Variants in METTL1 observed in about 807,000 individuals in gnomAD.
METTL1 encodes the protein tRNA (guanine-N(7)-)-methyltransferase.
METTL1 carries 14 observed loss-of-function variants against 27.7 expected under a neutral mutation model. That is an observed-to-expected ratio of 0.51 (90% CI 0.33 to 0.79). METTL1 has a LOEUF of 0.79. METTL1 is among the 30% of genes least tolerant of loss of function. The pLI is 0.02. For missense variants in METTL1, 333 were observed against 359.6 expected, an observed-to-expected ratio of 0.93 and a Z score of 0.60; for synonymous variants, 138 against 137.0, an observed-to-expected ratio of 1.01 and a Z score of -0.05.
Position 57,769,292 on chromosome 12 carries a change from C to T in METTL1, c.675+11G>A. The T allele has an allele frequency of 6.2e-7, 1 of 1,613,646 alleles. No individual in the cohort carries two copies. Among genetic ancestry groups the T allele is most frequent in the Non-Finnish European group, 8.5e-7 (1 of 1,179,702 alleles). On this transcript the variant is annotated intron_variant, in intron 5 of 5. Transcript: ENST00000324871. ...GAAAGGGCCTCCACCTCCTCTAGGTCCCCTACTCACCAGGTCCTCCAGAGG... is the reference window on the plus strand; with the variant it reads ...GAAAGGGCCTCCACCTCCTCTAGGTTCCCTACTCACCAGGTCCTCCAGAGG...
Position 57,769,318 on chromosome 12 carries a change from C to A in METTL1, c.660G>T (p.Val220=). The change falls in exon 5 of 6, where the codon GTG becomes GTT. Residue 220 remains valine (V), a synonymous_variant. Coordinates refer to ENST00000324871, the MANE Select transcript of METTL1 (RefSeq NM_005371.6). ...HFEEHPLFER[V]PLEDLSEDPV... ...CCCTACTCACCAGGTCCTCCAGAGG[C>A]ACACGCTCAAACAGTGGGTGCTCTT... 6.2e-7 allele frequency: 1 copy of A among 1,614,124 alleles called. No homozygotes were observed. Among genetic ancestry groups the A allele is most frequent in the Non-Finnish European group, 8.5e-7 (1 of 1,179,994 alleles).
At chr12:57,769,490 GCACCCC>G in intron 4 of METTL1, 69 bp downstream of exon 4, 1 of 1,576,008 alleles carries the variant, frequency 6.3e-7, no homozygotes, top group Non-Finnish European at 8.7e-7. Context: ...GTCCCTAAAT[GCACCCC>G]CACTGAATTC....
intron 1 of METTL1, 108 bp from the exon 2 acceptor site, chr12:57,771,365 G>C (rs1177265552): frequency 2.7e-6 from 4 of 1,485,374 alleles, no homozygotes; most frequent in African/African-American, 1.4e-5. Context: ...AAGGGAGGAG[G>C]GTTTCTCAAA....
At chr12:57,771,897 A>G in intron 1 of METTL1, 77 bp downstream of exon 1, 5 of 1,438,446 alleles carry the variant, frequency 3.5e-6, no homozygotes, top group Non-Finnish European at 4.6e-6. Flanking sequence ...AAATCCTCCC[A>G]GCAGTTGCAG....
At position 57,768,890 on chromosome 12, in the gene METTL1, A is replaced by G; in HGVS notation, c.*106T>C. The G allele has an allele frequency of 7.1e-7, 1 of 1,417,010 alleles. No individual in the cohort carries two copies. Among genetic ancestry groups the G allele is most frequent in the Non-Finnish European group, 9.6e-7 (1 of 1,041,054 alleles). The allele number at this position is 1,417,010 out of a possible 1,614,324, so 87.8% of individuals were successfully genotyped here. On this transcript the variant is annotated 3_prime_UTR_variant, in exon 6 of 6. Coordinates refer to ENST00000324871, the MANE Select transcript of METTL1 (RefSeq NM_005371.6). The stretch of plus-strand genomic sequence containing the variant: ...TGGGCAGCTCCCCACCTTCTTTAAG[A>G]GAGTACTGTGTCTCAGCTCCAGCAG...
intron 1 of METTL1, 55 bp from the exon 2 acceptor site, chr12:57,771,312 G>A: frequency 1.3e-6 from 2 of 1,529,024 alleles, no homozygotes; most frequent in Non-Finnish European, 1.8e-6. Flanking sequence ...CATTGCAGAA[G>A]TGGTACTGTG....
rs897042282 is a variant in METTL1, at chr12:57,771,904, G to A, written c.110+70C>T. 4 of 1,449,556 alleles carry A rather than the reference G, an allele frequency of 2.8e-6. No homozygotes were observed. In the African/African-American group the frequency reaches 5.8e-5, roughly 21 times the overall value. 89.8% of individuals were successfully genotyped at this position (1,449,556 alleles called of 1,614,324 possible). On this transcript the variant is annotated intron_variant, in intron 1 of 5. Transcript: ENST00000324871. ...TCTACCCCAAATCCTCCCAGCAGTT[G>A]CAGCACAACTGCTCTCCCGGCTGCT...
At position 57,768,905 on chromosome 12, in the gene METTL1, A is replaced by T; in HGVS notation, c.*91T>A. The stretch of plus-strand genomic sequence containing the variant: ...CTTCTTTAAGAGAGTACTGTGTCTC[A>T]GCTCCAGCAGTCTCAACTGGGAAGA... On this transcript the variant is annotated 3_prime_UTR_variant, in exon 6 of 6. Coordinates refer to ENST00000324871, the MANE Select transcript of METTL1 (RefSeq NM_005371.6). The T allele has an allele frequency of 6.7e-7, 1 of 1,485,898 alleles. No individual in the cohort carries two copies. Among genetic ancestry groups the T allele is most frequent in the Non-Finnish European group, 9.2e-7 (1 of 1,092,560 alleles). 92.0% of individuals were successfully genotyped at this position (1,485,898 alleles called of 1,614,324 possible).
rs1955439509 is a variant in METTL1, at chr12:57,771,995, A to G, written c.89T>C (p.Met30Thr). 1.3e-6 allele frequency: 2 copies of G among 1,536,202 alleles called. No individual in the cohort carries two copies. Among genetic ancestry groups the G allele is most frequent in the Non-Finnish European group, 1.7e-6 (2 of 1,149,564 alleles). Residue 30 changes from methionine (M) to threonine (T), a missense_variant, in exon 1 of 6, where the codon ATG (methionine) becomes ACG (threonine). Transcript: ENST00000324871. ...YYRQRAHSNP[M>T]ADHTLRYPVK... ...TCACTAGCGCAGCGTGTGGTCCGCC[A>G]TGGGGTTGGAGTGAGCACGTTGCCG...
At chr12:57,769,259 C>A in intron 5 of METTL1, 44 bp downstream of exon 5, 1 of 1,612,462 alleles carries the variant, frequency 6.2e-7, no homozygotes, top group Non-Finnish European at 8.5e-7. Context: ...AAATACAGAA[C>A]CACTCTGGAA....
intron 1 of METTL1, chr12:57,771,516 G>C: frequency 2.6e-6 from 4 of 1,530,486 alleles, no homozygotes; most frequent in Non-Finnish European, 2.6e-6. Context: ...ATGTGACCCT[G>C]GCCGGGTAAC....
intron 1 of METTL1, chr12:57,771,666 T>C: frequency 2.0e-6 from 3 of 1,517,878 alleles, no homozygotes; most frequent in African/African-American, 1.4e-5. Context: ...TGCCTTTTTA[T>C]TAAATCCAAC....
In METTL1 at chr12:57,769,555, C is replaced by A. The variant is rs369519728; in HGVS notation, c.573+10G>T. ...CCACTCACCCCATCATCCCTCCGAT[C>A]CCAACTCACCCCAACTCTTAGCACG... On this transcript the variant is annotated intron_variant, in intron 4 of 5. Transcript: ENST00000324871. The A allele has an allele frequency of 6.4e-6, 10 of 1,551,992 alleles. No homozygotes were observed. Among genetic ancestry groups the A allele is most frequent in the Non-Finnish European group, 7.8e-6 (9 of 1,146,520 alleles).
At chr12:57,771,587 C>G in intron 1 of METTL1, 1 of 1,535,376 alleles carries the variant, frequency 6.5e-7, no homozygotes, top group Non-Finnish European at 8.7e-7. Context: ...GCACTGGGAT[C>G]CTACTTTGTG....
chr12:57,771,965 A>G lies in METTL1; in HGVS notation c.110+9T>C. 4 of 1,501,428 alleles carry G rather than the reference A, an allele frequency of 2.7e-6. No individual in the cohort carries two copies. The highest frequency in any genetic ancestry group is 3.5e-6 in the Non-Finnish European group (4 of 1,130,980). The allele number at this position is 1,501,428 out of a possible 1,614,324, so 93.0% of individuals were successfully genotyped here. A position where few individuals can be genotyped will look rare whatever the true frequency, so the allele number is the denominator to read the frequency against. ...CGCCCTCCTCTCTCTCCCTCTGCCCACTCCTCACTAGCGCAGCGTGTGGTC... is the reference window on the plus strand; with the variant it reads ...CGCCCTCCTCTCTCTCCCTCTGCCCGCTCCTCACTAGCGCAGCGTGTGGTC... On this transcript the variant is annotated intron_variant, in intron 1 of 5. Transcript: ENST00000324871.
Position 57,769,593 on chromosome 12 carries a change from G to A in METTL1, c.545C>T (p.Ala182Val). ...KWRIISPTLLAEYAYVLRVGG... is the reference protein window; with the variant it reads ...KWRIISPTLLVEYAYVLRVGG... ...AACTCTTAGCACGTAGGCATATTCT[G>A]CTAGCAGGGTGGGACTGATGATTCG... The change falls in exon 4 of 6, where the codon GCA becomes GTA. Residue 182 changes from alanine to valine, a missense_variant. Transcript: ENST00000324871. The A allele has an allele frequency of 6.4e-7, 1 of 1,551,738 alleles. No homozygotes were observed. The highest frequency in any genetic ancestry group is 8.7e-7 in the Non-Finnish European group (1 of 1,145,852).
At position 57,768,742 on chromosome 12, in the gene METTL1, C is replaced by G; in HGVS notation, c.*254G>C. 1 of 428,924 alleles carries G rather than the reference C, an allele frequency of 2.3e-6. No homozygotes were observed. Among genetic ancestry groups the G allele is most frequent in the Non-Finnish European group, 4.2e-6 (1 of 239,434 alleles). The allele number at this position is 428,924 out of a possible 1,614,324, so 26.6% of individuals were successfully genotyped here. On this transcript the variant is annotated 3_prime_UTR_variant, in exon 6 of 6. Coordinates refer to ENST00000324871, the MANE Select transcript of METTL1 (RefSeq NM_005371.6). Reference sequence around the variant, plus strand: ...GGAAGAGCAAGACCCCACAGCCTTCCAAAGATCCCCTATGGTCCAAAGTCC... The same window carrying G: ...GGAAGAGCAAGACCCCACAGCCTTCGAAAGATCCCCTATGGTCCAAAGTCC...
Position 57,768,861 on chromosome 12 carries a change from G to A in METTL1, c.*135C>T, listed in dbSNP as rs1404585927. The stretch of plus-strand genomic sequence containing the variant: ...GTAGTCATGAACACCAGTGGGTTCT[G>A]CCCTGGGCAGCTCCCCACCTTCTTT... On this transcript the variant is annotated 3_prime_UTR_variant, in exon 6 of 6. Transcript: ENST00000324871. The A allele has an allele frequency of 8.0e-6, 9 of 1,126,984 alleles. No homozygotes were observed. The highest frequency in any genetic ancestry group is 1.7e-5 in the South Asian group (1 of 58,324). The allele number at this position is 1,126,984 out of a possible 1,614,324, so 69.8% of individuals were successfully genotyped here. A position where few individuals can be genotyped will look rare whatever the true frequency, so the allele number is the denominator to read the frequency against.
chr12:57,771,825 G>A, intron 1 of METTL1, 149 bp downstream of exon 1: 1 of 1,135,576 alleles, frequency 8.8e-7, no homozygotes, highest in Non-Finnish European at 1.2e-6. Context: ...TCTCTCGGTC[G>A]AATCTCCCGG....
Sources: allele counts gnomAD v4.1 joint callset, GRCh38; gene constraint gnomAD v4.1.1; transcripts MANE v1.5; gene names NCBI Gene and HGNC (gene_info 2026-07-23, HGNC 2026-07-21).